TANC1: variants seen among roughly 807,000 people sequenced by gnomAD.
TANC1 encodes protein TANC1.
Under a neutral mutation model 149.7 loss-of-function variants are expected in TANC1, and 77 were observed. The observed-to-expected ratio is 0.51, with a 90% CI of 0.43 to 0.62. The LOEUF is 0.62. Among genes scored for constraint, TANC1 ranks in the 20% least tolerant of loss-of-function variants. The probability of loss-of-function intolerance (pLI) is 0.00; values close to 1 mark genes in which losing one functional copy is unlikely to be tolerated. For missense variants in TANC1, 1,985 were observed against 2,321.8 expected, an observed-to-expected ratio of 0.85 and a Z score of 2.98; for synonymous variants, 854 against 925.0, an observed-to-expected ratio of 0.92 and a Z score of 1.39.
intron 4 of TANC1, among the ~76,000 whole-genome samples, chr2:159,113,764 A>C (rs934089719): frequency 6.6e-6 from 1 of 152,214 alleles, no homozygotes; most frequent in African/African-American, 2.4e-5. Context: ...GGGGAAGCAG[A>C]GGCTGGAGTA....
chr2:158,999,214 C>T (rs545097461), intron 1 of TANC1, among the ~76,000 whole-genome samples: 4 of 152,264 alleles, frequency 2.6e-5, no homozygotes, highest in Admixed American at 2.6e-4. Context: ...CATCCTTAAA[C>T]AGATGGGCCC....
rs930316075 is a variant in TANC1 at position 159,010,532 on chromosome 2, G to A, written c.-16+9343G>A. ...AGTGGAGGCCGTGGGTGCGTCGGGGGAGGGCCTGGCTGTGGCAGGCATGCT... is the reference window on the plus strand; with the variant it reads ...AGTGGAGGCCGTGGGTGCGTCGGGGAAGGGCCTGGCTGTGGCAGGCATGCT... On this transcript the variant is annotated intron_variant, in intron 2 of 26. Transcript: ENST00000263635. 5.9e-5 allele frequency among the ~76,000 whole-genome samples: 9 copies of A among 152,254 alleles called. No homozygotes were observed. In the East Asian group the frequency reaches 1.4e-3, roughly 23 times the overall value.
chr2:159,158,366 A>G (rs2053653610), intron 7 of TANC1, among the ~76,000 whole-genome samples: 1 of 152,018 alleles, frequency 6.6e-6, no homozygotes, highest in African/African-American at 2.4e-5. Flanking sequence ...TCTCGAAACA[A>G]AAAAAAACCA....
At chr2:159,154,329 T>C (rs1185009179) in intron 7 of TANC1, among the ~76,000 whole-genome samples, 1 of 152,246 alleles carries the variant, frequency 6.6e-6, no homozygotes, top group East Asian at 1.9e-4. Context: ...TTAATCTAAA[T>C]ATTTTTGTCC....
At chr2:158,995,757 C>T (rs1055202498) in intron 1 of TANC1, among the ~76,000 whole-genome samples, 29 of 152,222 alleles carry the variant, frequency 1.9e-4, no homozygotes, top group Non-Finnish European at 3.8e-4. Flanking sequence ...CTCAATTCCA[C>T]CCTTCTGTCT....
At chr2:158,974,114 C>A (rs1308716577) in intron 1 of TANC1, among the ~76,000 whole-genome samples, 3 of 152,184 alleles carry the variant, frequency 2.0e-5, no homozygotes, top group African/African-American at 7.2e-5. Context: ...AATACTATGG[C>A]AGGGATGGTC....
chr2:159,044,178 G>A (rs1363389214), intron 2 of TANC1, among the ~76,000 whole-genome samples: 5 of 152,142 alleles, frequency 3.3e-5, no homozygotes, highest in East Asian at 1.9e-4. Context: ...AATGGCTCTC[G>A]CCTGTAATCC....
At chr2:158,974,092 C>A (rs76719179) in intron 1 of TANC1, among the ~76,000 whole-genome samples, 3,366 of 152,206 alleles carry the variant, frequency 0.022, 118 homozygotes, top group African/African-American at 0.078. Flanking sequence ...TCCTGTTGTC[C>A]TACATACGTA....
intron 4 of TANC1, among the ~76,000 whole-genome samples, chr2:159,120,263 G>A (rs2150085830): frequency 6.6e-6 from 1 of 152,266 alleles, no homozygotes; most frequent in East Asian, 1.9e-4. Context: ...GAATTCAGAG[G>A]GTAACAGAAA....
intron 1 of TANC1, among the ~76,000 whole-genome samples, chr2:158,991,900 A>G (rs1319181464): frequency 6.6e-6 from 1 of 152,218 alleles, no homozygotes; most frequent in East Asian, 1.9e-4. Context: ...ATGCTCTGAC[A>G]ATAACAGCAT....
chr2:159,101,407 A>T (rs2046688042), intron 4 of TANC1, among the ~76,000 whole-genome samples: 1 of 152,202 alleles, frequency 6.6e-6, no homozygotes, highest in East Asian at 1.9e-4. Flanking sequence ...TAATTTAATT[A>T]ACCTTGCAAT....
At chr2:159,182,906 G>A (rs549656076) in intron 14 of TANC1, among the ~76,000 whole-genome samples, 2 of 152,340 alleles carry the variant, frequency 1.3e-5, no homozygotes, top group East Asian at 3.9e-4. Flanking sequence ...GGAGTTAATA[G>A]GTATTAGTAG....
intron 2 of TANC1, among the ~76,000 whole-genome samples, chr2:159,034,985 G>A (rs755533937): frequency 3.9e-5 from 6 of 152,262 alleles, no homozygotes; most frequent in Non-Finnish European, 5.9e-5. Flanking sequence ...GATTTGGACC[G>A]TCACATGGAA....
chr2:159,082,027 C>A (rs1379947423), intron 3 of TANC1, among the ~76,000 whole-genome samples: 2 of 152,264 alleles, frequency 1.3e-5, no homozygotes, highest in African/African-American at 4.8e-5. Flanking sequence ...AGCCCACCTG[C>A]TGCCCAGCCC....
In TANC1 at chr2:159,211,726, A is replaced by G. The variant is rs1208377629; in HGVS notation, c.3245-5771A>G. Reference sequence around the variant, plus strand: ...CGCCGTGATGGCCCCAGAATACTCAATCTGCTTAGAAAAAGGAAAACACAG... The same window carrying G: ...CGCCGTGATGGCCCCAGAATACTCAGTCTGCTTAGAAAAAGGAAAACACAG... On this transcript the variant is annotated intron_variant, in intron 19 of 26. Transcript: ENST00000263635. Among the ~76,000 whole-genome samples, 4 of 152,214 alleles carry G rather than the reference A, an allele frequency of 2.6e-5. No individual in the cohort carries two copies. The East Asian group carries it at 5.8e-4, about 22-fold the overall frequency.
chr2:159,117,246 T>G (rs1451549421), intron 4 of TANC1, among the ~76,000 whole-genome samples: 1 of 152,166 alleles, frequency 6.6e-6, no homozygotes, highest in Non-Finnish European at 1.5e-5. Flanking sequence ...AAATTTAAAT[T>G]CAGAATAGCG....
Position 159,027,412 on chromosome 2 carries a change from G to A in TANC1, c.-16+26223G>A, listed in dbSNP as rs181146201. ...CAAGCTTGTTGCTACTTTGTGACAAGGATGGCCTTTACTCTAGTTTCCAGT... is the reference window on the plus strand; with the variant it reads ...CAAGCTTGTTGCTACTTTGTGACAAAGATGGCCTTTACTCTAGTTTCCAGT... On this transcript the variant is annotated intron_variant, in intron 2 of 26. Coordinates refer to ENST00000263635, the MANE Select transcript of TANC1 (RefSeq NM_033394.3). Among the ~76,000 whole-genome samples the A allele has an allele frequency of 3.3e-5, 5 of 152,322 alleles. No homozygotes were observed. In the East Asian group the frequency reaches 7.7e-4, roughly 24 times the overall value.
At chr2:159,154,509 C>T (rs936165414) in intron 7 of TANC1, among the ~76,000 whole-genome samples, 1 of 152,176 alleles carries the variant, frequency 6.6e-6, no homozygotes, top group Non-Finnish European at 1.5e-5. Flanking sequence ...CAAGAATTTA[C>T]TGGGCCCCTC....
chr2:159,213,343 C>T (rs774689554), intron 19 of TANC1, among the ~76,000 whole-genome samples: 13 of 152,040 alleles, frequency 8.6e-5, no homozygotes, highest in Non-Finnish European at 1.3e-4. Context: ...GGGACCAGAA[C>T]TGGTTTGTGT....
Sources: gnomAD v4.1 joint callset for allele counts (sites outside exome capture counted in the v4.1 genomes callset) on GRCh38, gnomAD v4.1.1 for gene constraint, MANE v1.5 for transcripts, NCBI Gene and HGNC (gene_info 2026-07-23, HGNC 2026-07-21) for gene names.